The following FRMD3 variants were observed in gnomAD, a reference collection of about 807,000 sequenced individuals.
The protein encoded by FRMD3 is FERM domain-containing protein 3.
In FRMD3, 33 loss-of-function variants were observed where a neutral mutation model predicts 70.2. The observed-to-expected ratio is 0.47, with a 90% CI of 0.36 to 0.63. The LOEUF (loss-of-function observed/expected upper bound fraction) is 0.63, where lower values mean the gene tolerates loss of function less well. FRMD3 is among the 20% of genes least tolerant of loss of function. FRMD3 has a pLI of 0.00. For missense variants in FRMD3, 632 were observed against 711.4 expected, an observed-to-expected ratio of 0.89 and a Z score of 1.27; for synonymous variants, 279 against 255.9, an observed-to-expected ratio of 1.09 and a Z score of -0.86.
At chr9:83,553,042 T>C in the FRMD3 span, among the ~76,000 whole-genome samples, 2 of 152,308 alleles carry the variant, frequency 1.3e-5, no homozygotes, top group African/African-American at 4.8e-5. Flanking sequence ...TAGCTGGCTG[T>C]CATGTTGGCT....
At chr9:83,575,013 C>T in the FRMD3 span, among the ~76,000 whole-genome samples, 1 of 152,130 alleles carries the variant, frequency 6.6e-6, no homozygotes, top group African/African-American at 2.4e-5. Flanking sequence ...TACTTTCATC[C>T]AGGCTCCTGG....
chr9:83,423,890 C>T (rs572149863), intron 1 of FRMD3, among the ~76,000 whole-genome samples: 181 of 152,202 alleles, frequency 1.2e-3, no homozygotes, highest in African/African-American at 4.1e-3. Context: ...GCCGCGGCCC[C>T]GAGCTCTGCT....
chr9:83,467,704 A>C, intron 1 of FRMD3: 1 of 1,534,350 alleles, frequency 6.5e-7, no homozygotes, highest in Non-Finnish European at 8.7e-7. Context: ...GCCTTAAAAT[A>C]CTGCCATCTC....
At chr9:83,396,462 G>A (rs1587813724) in intron 1 of FRMD3, among the ~76,000 whole-genome samples, 2 of 152,302 alleles carry the variant, frequency 1.3e-5, no homozygotes, top group South Asian at 4.1e-4. Context: ...ACATGGTACA[G>A]GCATAAGCCT....
At chr9:83,378,636 A>C (rs1825238995) in intron 2 of FRMD3, among the ~76,000 whole-genome samples, 1 of 131,486 alleles carries the variant, frequency 7.6e-6, no homozygotes, top group South Asian at 2.2e-4. Flanking sequence ...ATTTATATAT[A>C]TAATTTATAT....
At chr9:83,271,013 C>T (rs1328993892) in intron 13 of FRMD3, among the ~76,000 whole-genome samples, 1 of 152,132 alleles carries the variant, frequency 6.6e-6, no homozygotes, top group Non-Finnish European at 1.5e-5. Flanking sequence ...CCCGGCCATG[C>T]CTATTACCTT....
chr9:83,451,768 G>A (rs563837618), intron 1 of FRMD3, among the ~76,000 whole-genome samples: 1 of 152,240 alleles, frequency 6.6e-6, no homozygotes, highest in African/African-American at 2.4e-5. Flanking sequence ...GAACTTGGTC[G>A]CTTCTCTGCC....
chr9:83,356,908 G>A (rs188823186), intron 3 of FRMD3, among the ~76,000 whole-genome samples: 20 of 151,356 alleles, frequency 1.3e-4, no homozygotes, highest in African/African-American at 4.6e-4. Context: ...CCTTTGTCCC[G>A]AGTCCCCAAA....
intron 6 of FRMD3, chr9:83,331,991 C>T (rs1225854905): frequency 1.5e-6 from 1 of 678,222 alleles, no homozygotes; most frequent in Non-Finnish European, 2.7e-6. Context: ...TTCCTTGTGG[C>T]TCAACATCTG....
At chr9:83,296,622 G>C (rs1275670384) in intron 12 of FRMD3, among the ~76,000 whole-genome samples, 1 of 152,166 alleles carries the variant, frequency 6.6e-6, no homozygotes. Flanking sequence ...ATATGCCCAG[G>C]GGGAGGTGGA....
At chr9:83,359,926 T>C (rs1243703951) in intron 3 of FRMD3, among the ~76,000 whole-genome samples, 9 of 152,210 alleles carry the variant, frequency 5.9e-5, no homozygotes, top group Non-Finnish European at 1.2e-4. Context: ...ATTGTTACTC[T>C]AAAGTGCAGG....
chr9:83,482,611 G>T (rs982277514), intron 1 of FRMD3, among the ~76,000 whole-genome samples: 38 of 152,256 alleles, frequency 2.5e-4, no homozygotes, highest in African/African-American at 8.9e-4. Flanking sequence ...ACGATGATTG[G>T]TATACACAAT....
chr9:83,534,494 G>A (rs986972223), intron 1 of FRMD3, among the ~76,000 whole-genome samples: 1 of 152,198 alleles, frequency 6.6e-6, no homozygotes, highest in African/African-American at 2.4e-5. Flanking sequence ...ATCCTAGGGG[G>A]TGGGGAGGTA....
intron 12 of FRMD3, among the ~76,000 whole-genome samples, chr9:83,292,939 C>G (rs1014020782): frequency 7.2e-5 from 11 of 152,220 alleles, no homozygotes; most frequent in African/African-American, 2.7e-4. Context: ...GCCACCACGC[C>G]CAGCCACATG....
intron 10 of FRMD3, among the ~76,000 whole-genome samples, chr9:83,304,672 G>A (rs1423844580): frequency 6.6e-6 from 1 of 152,198 alleles, no homozygotes; most frequent in Non-Finnish European, 1.5e-5. Flanking sequence ...CCTCAACCAT[G>A]TATCCAGTAC....
chr9:83,489,626 T>C (rs561107427), intron 1 of FRMD3, among the ~76,000 whole-genome samples: 1 of 152,322 alleles, frequency 6.6e-6, no homozygotes, highest in African/African-American at 2.4e-5. Flanking sequence ...AGCAAGGCTG[T>C]AGAGTAAAGG....
At chr9:83,260,509 T>C (rs1364804488) in intron 13 of FRMD3, among the ~76,000 whole-genome samples, 2 of 152,128 alleles carry the variant, frequency 1.3e-5, no homozygotes, top group Non-Finnish European at 2.9e-5. Context: ...TCATCCCCAT[T>C]TGCCTGGAAC....
the FRMD3 span, among the ~76,000 whole-genome samples, chr9:83,567,238 C>G: frequency 6.6e-6 from 1 of 152,206 alleles, no homozygotes; most frequent in Non-Finnish European, 1.5e-5. Context: ...ATGTTGGCCC[C>G]TTTCAGCCAC....
chr9:83,450,354 T>G (rs944910804), intron 1 of FRMD3, among the ~76,000 whole-genome samples: 4 of 139,090 alleles, frequency 2.9e-5, no homozygotes, highest in African/African-American at 7.9e-5. Context: ...TCAGTTTTTT[T>G]TTTTTTTTTT....
Sources: gnomAD v4.1 joint callset for allele counts (sites outside exome capture counted in the v4.1 genomes callset) on GRCh38, gnomAD v4.1.1 for gene constraint, MANE v1.5 for transcripts, NCBI Gene and HGNC (gene_info 2026-07-23, HGNC 2026-07-21) for gene names.